Variants in TMEM120B observed in about 807,000 individuals in gnomAD.
TMEM120B encodes the protein transmembrane protein 120B.
In TMEM120B, 31 loss-of-function variants were observed where a neutral mutation model predicts 55.5. The observed-to-expected ratio is 0.56, with a 90% confidence interval of 0.42 to 0.75. The LOEUF is 0.75. Ranked by LOEUF, TMEM120B falls within the 30% of genes least tolerant of loss-of-function variation. The probability of loss-of-function intolerance (pLI) is 0.00; values close to 1 mark genes in which losing one functional copy is unlikely to be tolerated. For synonymous variants in TMEM120B, 203 were observed against 176.3 expected, an observed-to-expected ratio of 1.15 and a Z score of -1.20; for missense variants, 399 against 425.5, an observed-to-expected ratio of 0.94 and a Z score of 0.55.
intron 2 of TMEM120B, among the ~76,000 whole-genome samples, chr12:121,747,119 C>T (rs1046047195): frequency 6.6e-6 from 1 of 152,074 alleles, no homozygotes; most frequent in Non-Finnish European, 1.5e-5. Context: ...TGAGGTTATC[C>T]CGGCTTTTCA....
chr12:121,723,291 C>A (rs907967802), intron 1 of TMEM120B, among the ~76,000 whole-genome samples: 2 of 152,138 alleles, frequency 1.3e-5, no homozygotes, highest in Admixed American at 1.3e-4. Flanking sequence ...CCTCAGCCTC[C>A]TGAGTAGCTG....
chr12:121,773,951 C>CTTTTTTTTTTT (rs560321014), intron 9 of TMEM120B, among the ~76,000 whole-genome samples: 1 of 96,610 alleles, frequency 1.0e-5, no homozygotes, highest in Non-Finnish European at 1.9e-5. Flanking sequence ...ACTCTGCTAT[C>CTTTTTTTTTTT]TTTTTTTTTT....
chr12:121,737,741 G>A (rs966140013), intron 1 of TMEM120B, among the ~76,000 whole-genome samples: 6 of 152,072 alleles, frequency 3.9e-5, no homozygotes, highest in Admixed American at 3.9e-4. Context: ...CAGGTGCAGT[G>A]TCTCACATCT....
chr12:121,759,269 G>T (rs777238143), intron 5 of TMEM120B, among the ~76,000 whole-genome samples: 1 of 151,938 alleles, frequency 6.6e-6, no homozygotes, highest in Non-Finnish European at 1.5e-5. Flanking sequence ...AGTTCCCTGC[G>T]GCAAATCCGA....
At chr12:121,724,642 G>A (rs1453378599) in intron 1 of TMEM120B, among the ~76,000 whole-genome samples, 1 of 146,034 alleles carries the variant, frequency 6.8e-6, no homozygotes, top group Admixed American at 7.0e-5. Flanking sequence ...ATGGAGTCTC[G>A]CTCTGTCACC....
Position 121,775,417 on chromosome 12 carries a change from G to A in TMEM120B, c.907-192G>A. On this transcript the variant is annotated intron_variant, in intron 11 of 11. Coordinates refer to ENST00000449592, the MANE Select transcript of TMEM120B (RefSeq NM_001080825.2). The surrounding 1 kb of genome is among the most constrained non-coding windows in gnomAD (Gnocchi z 4.3). ...GGATCCCAAGGAGGTTCGCCCCATCGAGCCCTTCCCAGGCCCTGCCCAAGC... is the reference window on the plus strand; with the variant it reads ...GGATCCCAAGGAGGTTCGCCCCATCAAGCCCTTCCCAGGCCCTGCCCAAGC... 1 of 984,938 alleles carries A rather than the reference G, an allele frequency of 1.0e-6. No individual in the cohort carries two copies. The highest frequency in any genetic ancestry group is 4.7e-5 in the South Asian group (1 of 21,280). 61.0% of individuals were successfully genotyped at this position (984,938 alleles called of 1,614,324 possible).
chr12:121,768,845 G>A (rs1377000143), intron 6 of TMEM120B, among the ~76,000 whole-genome samples: 2 of 152,100 alleles, frequency 1.3e-5, no homozygotes, highest in East Asian at 3.9e-4. Context: ...CCCAACTGTG[G>A]ATCAGGAGCC....
At chr12:121,752,319 T>A in intron 5 of TMEM120B, 96 bp downstream of exon 5, 1 of 1,032,292 alleles carries the variant, frequency 9.7e-7, no homozygotes, top group Non-Finnish European at 1.5e-6. Flanking sequence ...CCTCTCCTGC[T>A]TCTGTGTTGT....
At chr12:121,764,963 C>G (rs1288671287) in intron 6 of TMEM120B, among the ~76,000 whole-genome samples, 2 of 152,100 alleles carry the variant, frequency 1.3e-5, no homozygotes, top group Non-Finnish European at 2.9e-5. Context: ...CCTGAGCTTG[C>G]AATTCAAAGC....
chr12:121,744,692 T>C (rs1873031082), intron 2 of TMEM120B, among the ~76,000 whole-genome samples: 1 of 152,190 alleles, frequency 6.6e-6, no homozygotes, highest in African/African-American at 2.4e-5. Context: ...GTGACCCCAT[T>C]GTCAGGCAGG....
intron 6 of TMEM120B, among the ~76,000 whole-genome samples, chr12:121,769,153 A>C (rs1277641659): frequency 8.9e-6 from 1 of 112,374 alleles, no homozygotes; most frequent in Non-Finnish European, 2.0e-5. Flanking sequence ...CAAAAAAAAA[A>C]AAAAAAGGCA....
chr12:121,748,217 A>T (rs528140731), intron 2 of TMEM120B, 109 bp from the exon 3 acceptor site: 9 of 602,136 alleles, frequency 1.5e-5, no homozygotes, highest in South Asian at 1.4e-4. Flanking sequence ...GCTGGGGTAG[A>T]AGGTAGGAGG....
At chr12:121,749,573 G>T (rs1873209284) in intron 3 of TMEM120B, among the ~76,000 whole-genome samples, 2 of 152,042 alleles carry the variant, frequency 1.3e-5, no homozygotes, top group Admixed American at 1.3e-4. Context: ...AGCTACTTTG[G>T]CGACTGAGGT....
chr12:121,716,430 T>G (rs1894704530), intron 1 of TMEM120B, among the ~76,000 whole-genome samples: 2 of 151,974 alleles, frequency 1.3e-5, no homozygotes, highest in Non-Finnish European at 2.9e-5. Flanking sequence ...AAAATCCTGG[T>G]CTATTTTAAT....
chr12:121,731,208 C>G (rs1894997051), intron 1 of TMEM120B, among the ~76,000 whole-genome samples: 2 of 152,082 alleles, frequency 1.3e-5, no homozygotes, highest in African/African-American at 4.8e-5. Flanking sequence ...GATTATGATG[C>G]TATATTTTTA....
intron 6 of TMEM120B, among the ~76,000 whole-genome samples, chr12:121,763,532 C>A (rs927372303): frequency 6.6e-6 from 1 of 152,098 alleles, no homozygotes; most frequent in African/African-American, 2.4e-5. Flanking sequence ...CAACCTCTGC[C>A]TCCCAGTTGA....
intron 5 of TMEM120B, among the ~76,000 whole-genome samples, chr12:121,760,904 CAG>C (rs1873656214): frequency 1.3e-5 from 2 of 152,140 alleles, no homozygotes; most frequent in Non-Finnish European, 2.9e-5. Flanking sequence ...ACAAAGTTTA[CAG>C]ATGCTTTAAG....
intron 6 of TMEM120B, among the ~76,000 whole-genome samples, chr12:121,763,946 A>G (rs1445276730): frequency 2.0e-5 from 3 of 152,042 alleles, no homozygotes; most frequent in Non-Finnish European, 4.4e-5. Flanking sequence ...AGGTAAGGAG[A>G]GCCCCCCTCC....
In TMEM120B at chr12:121,775,171, G is replaced by C. The variant is rs1592951840; in HGVS notation, c.906+41G>C. The C allele has an allele frequency of 6.9e-7, 1 of 1,449,960 alleles. No individual in the cohort carries two copies. Among genetic ancestry groups the C allele is most frequent in the East Asian group, 2.4e-5 (1 of 41,742 alleles). 89.8% of individuals were successfully genotyped at this position (1,449,960 alleles called of 1,614,324 possible). On this transcript the variant is annotated intron_variant, in intron 11 of 11. Transcript: ENST00000449592. The surrounding 1 kb of genome is among the most constrained non-coding windows in gnomAD (Gnocchi z 4.3). ...GCATGCTCGGGGGAGGTTCCCGGGA[G>C]GGCTGGGGTGGCAGGGATGGGGTGT...
Sources: gnomAD v4.1 joint callset for allele counts (sites outside exome capture counted in the v4.1 genomes callset) on GRCh38, gnomAD v4.1.1 for gene constraint, Gnocchi (gnomAD v3.1) non-coding constraint, MANE v1.5 for transcripts, NCBI Gene and HGNC (gene_info 2026-07-23, HGNC 2026-07-21) for gene names.